Variants in PHACTR2 observed in about 807,000 individuals in gnomAD.
PHACTR2 encodes the protein phosphatase and actin regulator 2, also known as chromosome 6 open reading frame 56.
A neutral mutation model predicts 76.0 loss-of-function variants in PHACTR2; 30 were observed. The observed-to-expected ratio is 0.39, with a 90% CI of 0.30 to 0.54. PHACTR2 has a LOEUF of 0.54. PHACTR2 is among the 20% of genes least tolerant of loss of function. The pLI, the probability that PHACTR2 is intolerant of heterozygous loss-of-function variation, is 0.61. For missense variants in PHACTR2, 696 were observed against 781.1 expected, an observed-to-expected ratio of 0.89 and a Z score of 1.30; for synonymous variants, 292 against 292.5, an observed-to-expected ratio of 1.00 and a Z score of 0.02.
chr6:143,580,286 C>A lies in PHACTR2; in HGVS notation c.217+43079C>A, dbSNP rs1467260580. ...AGATCACGAGGTCAGGAAATCGAGA[C>A]CATCTTGGCCAACACGGTGAAACCC... is the stretch of plus-strand genomic sequence containing the variant. On this transcript the variant is annotated intron_variant, in intron 1 of 11. Transcript: ENST00000367584. This position sits in a 1 kb window ranked among gnomAD's most constrained non-coding sequence, Gnocchi z 4.2. Among the ~76,000 whole-genome samples the A allele has an allele frequency of 6.6e-6, 1 of 152,112 alleles. No individual in the cohort carries two copies. The highest frequency in any genetic ancestry group is 1.5e-5 in the Non-Finnish European group (1 of 68,012).
chr6:143,633,330 C>T lies in PHACTR2; in HGVS notation c.13+25008C>T, dbSNP rs950058275. On this transcript the variant is annotated intron_variant, in intron 1 of 11. Transcript: ENST00000305766. This position sits in a 1 kb window ranked among gnomAD's most constrained non-coding sequence, Gnocchi z 4.1. Reference sequence around the variant, plus strand: ...AAAGATGAGTAGTGGCATCTTGTTGCTTCAATTTGCAATTCCCTATCGGCA... The same window carrying T: ...AAAGATGAGTAGTGGCATCTTGTTGTTTCAATTTGCAATTCCCTATCGGCA... Among the ~76,000 whole-genome samples, 11 of 152,168 alleles carry T rather than the reference C, an allele frequency of 7.2e-5. No individual in the cohort carries two copies. Among genetic ancestry groups the T allele is most frequent in the Admixed American group, 5.9e-4 (9 of 15,278 alleles).
chr6:143,546,860 AAAAAAAAAAAAAATAAAAAATAAAAAATT>A lies in PHACTR2; in HGVS notation c.217+9655_217+9683del. ...GGGCAACATAGTGAGACCCCATCTC[AAAAAAAAAAAAAATAAAAAATAAAAAATT>A]AGCCAGGTGAACTGGTGCGCACCTG... On this transcript the variant is annotated intron_variant, in intron 1 of 11. Transcript: ENST00000367584. The surrounding 1 kb of genome is among the most constrained non-coding windows in gnomAD (Gnocchi z 4.9). 1.4e-4 allele frequency among the ~76,000 whole-genome samples: 3 copies of A among 21,266 alleles called. No individual in the cohort carries two copies. Among genetic ancestry groups the A allele is most frequent in the Non-Finnish European group, 3.9e-4 (3 of 7,668 alleles). 14.0% of individuals were successfully genotyped at this position (21,266 alleles called of 152,430 possible).
In PHACTR2 at chr6:143,597,478, T is replaced by C. The variant is rs1044853771; in HGVS notation, c.217+60271T>C. ...AAATCCCTACTCTCTACAACCCACA[T>C]GCCAAATGTGAGCAAACATGTTTGG... On this transcript the variant is annotated intron_variant, in intron 1 of 11. Coordinates refer to the PHACTR2 transcript ENST00000367584. This position sits in a 1 kb window ranked among gnomAD's most constrained non-coding sequence, Gnocchi z 5.7. 7.2e-5 allele frequency among the ~76,000 whole-genome samples: 11 copies of C among 152,234 alleles called. No individual in the cohort carries two copies. The highest frequency in any genetic ancestry group is 1.6e-4 in the Non-Finnish European group (11 of 68,032).
Position 143,731,051 on chromosome 6 carries a change from T to C in PHACTR2, c.215-17934T>C, listed in dbSNP as rs1562285615. Among the ~76,000 whole-genome samples the C allele has an allele frequency of 6.6e-6, 1 of 152,078 alleles. No homozygotes were observed. The highest frequency in any genetic ancestry group is 1.5e-5 in the Non-Finnish European group (1 of 67,994). ...GCGTGAGCCACCACGTCCAGCCCAG[T>C]TGAAGGTTTTTATACATGCCCTTTA... On this transcript the variant is annotated intron_variant, in intron 2 of 12. Coordinates refer to ENST00000440869, the MANE Select transcript of PHACTR2 (RefSeq NM_001100164.2). This position sits in a 1 kb window ranked among gnomAD's most constrained non-coding sequence, Gnocchi z 4.9.
At position 143,546,877 on chromosome 6, in the gene PHACTR2, A is replaced by AT. The variant is rs11380242; in HGVS notation, c.217+9670_217+9671insT. The stretch of plus-strand genomic sequence containing the variant: ...CCCATCTCAAAAAAAAAAAAAATAA[A>AT]AAATAAAAAATTAGCCAGGTGAACT... On this transcript the variant is annotated intron_variant, in intron 1 of 11. Coordinates refer to the PHACTR2 transcript ENST00000367584. The surrounding 1 kb of genome is among the most constrained non-coding windows in gnomAD (Gnocchi z 4.9). Among the ~76,000 whole-genome samples, 10,685 of 151,854 alleles carry AT rather than the reference A, an allele frequency of 0.07. 462 individuals are homozygous for AT. The highest frequency in any genetic ancestry group is 0.17 in the East Asian group (875 of 5,158).
intron 2 of PHACTR2, among the ~76,000 whole-genome samples, chr6:143,729,460 T>C (rs1778654029): frequency 6.6e-6 from 1 of 152,164 alleles, no homozygotes; most frequent in Non-Finnish European, 1.5e-5. Context: ...AATGTTTTTA[T>C]AGTTTTATGT....
In PHACTR2 at chr6:143,697,366, A is replaced by G. The variant is rs1777797251; in HGVS notation, c.47-14650A>G. On this transcript the variant is annotated intron_variant, in intron 1 of 12. Transcript: ENST00000440869. The surrounding 1 kb of genome is among the most constrained non-coding windows in gnomAD (Gnocchi z 4.4). ...AGACTGAAGAAAAATCTGAGATGAGAAAGAAGGAAATGTTAACAAAGAGAG... is the reference window on the plus strand; with the variant it reads ...AGACTGAAGAAAAATCTGAGATGAGGAAGAAGGAAATGTTAACAAAGAGAG... Among the ~76,000 whole-genome samples the G allele has an allele frequency of 6.6e-6, 1 of 152,230 alleles. No homozygotes were observed. The highest frequency in any genetic ancestry group is 1.5e-5 in the Non-Finnish European group (1 of 68,034).
chr6:143,701,258 T>C (rs1404720950), intron 1 of PHACTR2, among the ~76,000 whole-genome samples: 1 of 152,214 alleles, frequency 6.6e-6, no homozygotes, highest in East Asian at 1.9e-4. Context: ...TGGAAGTCTT[T>C]AGTAGCTTTT....
At chr6:143,814,162 C>T (rs113549577) in intron 12 of PHACTR2, among the ~76,000 whole-genome samples, 16,093 of 152,156 alleles carry the variant, frequency 0.11, 1,248 homozygotes, top group African/African-American at 0.22. Context: ...TCGAGACGAG[C>T]TTGGCCAACA....
chr6:143,642,843 T>G (rs190017890), intron 1 of PHACTR2, among the ~76,000 whole-genome samples: 1 of 152,288 alleles, frequency 6.6e-6, no homozygotes, highest in African/African-American at 2.4e-5. Flanking sequence ...CCACCAATGC[T>G]CTTGTCTTGG....
At chr6:143,675,092 T>G (rs915278950), upstream of PHACTR2, among the ~76,000 whole-genome samples, 1 of 152,220 alleles carries the variant, frequency 6.6e-6, no homozygotes, top group Non-Finnish European at 1.5e-5. This position sits in a 1 kb window ranked among gnomAD's most constrained non-coding sequence, Gnocchi z 4.9. Context: ...CAGGGTAGAA[T>G]GCTTGAAAAC....
chr6:143,540,796 A>G (rs1375851228), intron 1 of PHACTR2, among the ~76,000 whole-genome samples: 3 of 152,264 alleles, frequency 2.0e-5, no homozygotes, highest in Non-Finnish European at 4.4e-5. Context: ...TTTTAAAGAT[A>G]GAATTGAAGT....
Position 143,825,961 on chromosome 6 carries a change from A to G in PHACTR2, c.*2272A>G, listed in dbSNP as rs1193881432. 3 of 152,116 alleles carry G rather than the reference A, an allele frequency of 2.0e-5. No individual in the cohort carries two copies. Among genetic ancestry groups the G allele is most frequent in the Non-Finnish European group, 4.4e-5 (3 of 68,012 alleles). 9.4% of individuals were successfully genotyped at this position (152,116 alleles called of 1,614,324 possible). Reference sequence around the variant, plus strand: ...GGTATTTCAAAATTGCATTTCTTGTATAATAGGTCAGATTTATTAACTACT... The same window carrying G: ...GGTATTTCAAAATTGCATTTCTTGTGTAATAGGTCAGATTTATTAACTACT... On this transcript the variant is annotated 3_prime_UTR_variant, in exon 13 of 13. Coordinates refer to ENST00000440869, the MANE Select transcript of PHACTR2 (RefSeq NM_001100164.2). The surrounding 1 kb of genome is among the most constrained non-coding windows in gnomAD (Gnocchi z 4.1).
At chr6:143,576,974 A>G (rs768720507) in intron 1 of PHACTR2, among the ~76,000 whole-genome samples, 6 of 151,730 alleles carry the variant, frequency 4.0e-5, no homozygotes, top group Admixed American at 6.6e-5. Context: ...TTAAAACTCT[A>G]TGCTAACATA....
rs1256414040 is a variant in PHACTR2, at chr6:143,807,221, G to A, written c.1922+88G>A. The A allele has an allele frequency of 2.6e-6, 2 of 754,912 alleles. No individual in the cohort carries two copies. The highest frequency in any genetic ancestry group is 4.5e-6 in the Non-Finnish European group (2 of 444,368). 46.8% of individuals were successfully genotyped at this position (754,912 alleles called of 1,614,324 possible). On this transcript the variant is annotated intron_variant, in intron 12 of 12. Transcript: ENST00000440869. This position sits in a 1 kb window ranked among gnomAD's most constrained non-coding sequence, Gnocchi z 5.5. ...GTTAAAAAAAGAAATTGCTTACAAT[G>A]GTAAATTTTATGATAGGTATATTTC...
rs903003806 is a variant in PHACTR2, at chr6:143,662,667, A to T, written c.14-49349A>T. Among the ~76,000 whole-genome samples the T allele has an allele frequency of 2.5e-4, 38 of 152,202 alleles. No homozygotes were observed. The highest frequency in any genetic ancestry group is 2.4e-4 in the Non-Finnish European group (16 of 68,024). On this transcript the variant is annotated intron_variant, in intron 1 of 11. Transcript: ENST00000305766. The surrounding 1 kb of genome is among the most constrained non-coding windows in gnomAD (Gnocchi z 4.7). ...TACTAGGGATGTTTCAGTTCTTATG[A>T]CTACCAGGCAGTTTTGTTTTTCATC...
chr6:143,757,638 G>A lies in PHACTR2; in HGVS notation c.455-2763G>A, dbSNP rs760162890. On this transcript the variant is annotated intron_variant, in intron 4 of 12. Transcript: ENST00000440869. This position sits in a 1 kb window ranked among gnomAD's most constrained non-coding sequence, Gnocchi z 4.2. ...CTTATCAAGCCAGAATGACGAGGCA[G>A]CCCTTTCTCAACCTTCTCTTGAAGT... is the stretch of plus-strand genomic sequence containing the variant. 1.3e-5 allele frequency among the ~76,000 whole-genome samples: 2 copies of A among 152,180 alleles called. No individual in the cohort carries two copies. Among genetic ancestry groups the A allele is most frequent in the Non-Finnish European group, 1.5e-5 (1 of 68,032 alleles).
chr6:143,716,755 T>C (rs1415091148), intron 2 of PHACTR2, among the ~76,000 whole-genome samples: 1 of 152,188 alleles, frequency 6.6e-6, no homozygotes, highest in African/African-American at 2.4e-5. Flanking sequence ...GGAATGGATT[T>C]GGAAGAGGAG....
In PHACTR2 at chr6:143,672,707, TTTTTTA is replaced by T. The variant is rs961405775; in HGVS notation, c.14-39293_14-39288del. On this transcript the variant is annotated intron_variant, in intron 1 of 11. Transcript: ENST00000305766. This position sits in a 1 kb window ranked among gnomAD's most constrained non-coding sequence, Gnocchi z 5.8. Reference sequence around the variant, plus strand: ...AGCACTTGGAGGAACAAACTTCTTCTTTTTTATTTTTATTTTTATTTATTTATTTCT... The same window carrying T: ...AGCACTTGGAGGAACAAACTTCTTCTTTTTTATTTTTATTTATTTATTTCT... Among the ~76,000 whole-genome samples, 70 of 152,158 alleles carry T rather than the reference TTTTTTA, an allele frequency of 4.6e-4. 2 individuals are homozygous for T. Among genetic ancestry groups the T allele is most frequent in the African/African-American group, 1.5e-3 (64 of 41,528 alleles).
Sources: allele counts gnomAD v4.1 joint callset (sites outside exome capture counted in the v4.1 genomes callset), GRCh38; gene constraint gnomAD v4.1.1; non-coding constraint Gnocchi (gnomAD v3.1); transcripts MANE v1.5; gene names NCBI Gene and HGNC (gene_info 2026-07-23, HGNC 2026-07-21).